Variants in PEBP4 observed in about 807,000 individuals in gnomAD.
PEBP4 encodes the protein phosphatidylethanolamine binding protein 4.
PEBP4 carries 22 observed loss-of-function variants against 23.9 expected under a neutral mutation model. That is an observed-to-expected ratio of 0.92 (90% CI 0.66 to 1.31). The LOEUF is 1.31. Ranked by LOEUF, PEBP4 falls within the 40% of genes most tolerant of loss-of-function variation. PEBP4 has a pLI of 0.00. For synonymous variants in PEBP4, 112 were observed against 99.3 expected (o/e 1.13, Z -0.76); for missense variants, 324 against 281.7 (o/e 1.15, Z -1.07).
At chr8:22,898,130 G>A (rs1259372780) in intron 3 of PEBP4, among the ~76,000 whole-genome samples, 1 of 151,580 alleles carries the variant, frequency 6.6e-6, no homozygotes, top group Non-Finnish European at 1.5e-5. Context: ...AGTGGCTCAC[G>A]CCTGTAATCC....
chr8:22,786,439 T>C (rs1281431766), intron 4 of PEBP4, among the ~76,000 whole-genome samples: 5 of 152,044 alleles, frequency 3.3e-5, no homozygotes, highest in Admixed American at 2.6e-4. Context: ...CACGCCACCA[T>C]GTCCGGCAAT....
chr8:22,730,561 C>T (rs758326259), intron 4 of PEBP4, among the ~76,000 whole-genome samples: 7 of 152,162 alleles, frequency 4.6e-5, no homozygotes, highest in Non-Finnish European at 8.8e-5. Context: ...ATTAGAATGT[C>T]ACTTCTAGCC....
At chr8:22,783,226 C>G (rs1261882716) in intron 4 of PEBP4, among the ~76,000 whole-genome samples, 1 of 152,228 alleles carries the variant, frequency 6.6e-6, no homozygotes, top group Non-Finnish European at 1.5e-5. Flanking sequence ...TTTCTCAGTC[C>G]TTTCTTGAGA....
chr8:22,843,050 A>G (rs1360792087), intron 3 of PEBP4, among the ~76,000 whole-genome samples: 1 of 152,016 alleles, frequency 6.6e-6, no homozygotes. Context: ...CTGGTCTCGA[A>G]CTCCTGACCT....
At chr8:22,896,935 A>G (rs1808600386) in intron 3 of PEBP4, among the ~76,000 whole-genome samples, 1 of 150,402 alleles carries the variant, frequency 6.6e-6, no homozygotes, top group Non-Finnish European at 1.5e-5. Flanking sequence ...ACATATTTAG[A>G]TATTATATAT....
intron 4 of PEBP4, among the ~76,000 whole-genome samples, chr8:22,804,743 G>T (rs994083342): frequency 1.3e-5 from 2 of 152,064 alleles, no homozygotes; most frequent in Admixed American, 6.6e-5. Context: ...GACTTAGCTG[G>T]TCTGGGTGCA....
intron 6 of PEBP4, among the ~76,000 whole-genome samples, chr8:22,723,227 G>C (rs1804554967): frequency 6.6e-6 from 1 of 152,064 alleles, no homozygotes; most frequent in Non-Finnish European, 1.5e-5. Flanking sequence ...TCCTTGCCTG[G>C]TCACCAACAT....
chr8:22,824,465 CT>C (rs566032266), intron 3 of PEBP4, among the ~76,000 whole-genome samples: 101 of 152,284 alleles, frequency 6.6e-4, no homozygotes, highest in African/African-American at 2.3e-3. Context: ...GCACCAGGAA[CT>C]GGTTTCGTGG....
intron 3 of PEBP4, among the ~76,000 whole-genome samples, chr8:22,895,144 G>C (rs746452652): frequency 1.3e-5 from 2 of 152,152 alleles, no homozygotes; most frequent in Non-Finnish European, 2.9e-5. Flanking sequence ...ATTTTCAATT[G>C]GGCCATATTG....
chr8:22,876,158 G>A (rs1808117764), intron 3 of PEBP4, among the ~76,000 whole-genome samples: 1 of 152,152 alleles, frequency 6.6e-6, no homozygotes, highest in Non-Finnish European at 1.5e-5. Context: ...TGATACACCA[G>A]CCTCAGCCTC....
chr8:22,827,497 G>GT lies in PEBP4; in HGVS notation c.259-9763dup, dbSNP rs1026391179. Among the ~76,000 whole-genome samples the GT allele has an allele frequency of 3.2e-4, 48 of 150,740 alleles. 1 individual carries two copies. Among genetic ancestry groups the GT allele is most frequent in the Non-Finnish European group, 4.3e-4 (29 of 67,612 alleles). On this transcript the variant is annotated intron_variant, in intron 3 of 6. Coordinates refer to ENST00000256404, the MANE Select transcript of PEBP4 (RefSeq NM_144962.3). Reference sequence around the variant, plus strand: ...TAATATAAATGGAGTCATAATACTTGTTTTTTTTTGTGTTGGCATCTTTTA... The same window carrying GT: ...TAATATAAATGGAGTCATAATACTTGTTTTTTTTTTGTGTTGGCATCTTTTA...
At position 22,775,753 on chromosome 8, in the gene PEBP4, G is replaced by A. The variant is rs1805803207; in HGVS notation, c.357+41884C>T. Among the ~76,000 whole-genome samples the A allele has an allele frequency of 6.6e-6, 1 of 152,110 alleles. No individual in the cohort carries two copies. Among genetic ancestry groups the A allele is most frequent in the Non-Finnish European group, 1.5e-5 (1 of 68,004 alleles). Reference sequence around the variant, plus strand: ...CCTCCTGTGCACTCACAGGAGGCTCGAGGAGACAGACAGAGGAAGCGAGAG... The same window carrying A: ...CCTCCTGTGCACTCACAGGAGGCTCAAGGAGACAGACAGAGGAAGCGAGAG... On this transcript the variant is annotated intron_variant, in intron 4 of 6. Coordinates refer to ENST00000256404, the MANE Select transcript of PEBP4 (RefSeq NM_144962.3). The surrounding 1 kb of genome is among the most constrained non-coding windows in gnomAD (Gnocchi z 4.8).
intron 4 of PEBP4, among the ~76,000 whole-genome samples, chr8:22,807,655 G>T (rs1041281169): frequency 4.6e-5 from 7 of 151,998 alleles, no homozygotes; most frequent in Non-Finnish European, 8.8e-5. Flanking sequence ...TAATTACGCT[G>T]TTCCTTTCCT....
chr8:22,871,840 C>T (rs934915809), intron 3 of PEBP4, among the ~76,000 whole-genome samples: 1 of 152,096 alleles, frequency 6.6e-6, no homozygotes, highest in African/African-American at 2.4e-5. Context: ...GTGTGAGCCA[C>T]CGCGCCTGCC....
chr8:22,872,835 C>A (rs1201032012), intron 3 of PEBP4, among the ~76,000 whole-genome samples: 1 of 152,108 alleles, frequency 6.6e-6, no homozygotes, highest in East Asian at 1.9e-4. Context: ...CGCCACCACG[C>A]CTAGCTAATT....
chr8:22,879,313 G>A (rs1393145708), intron 3 of PEBP4: 1 of 152,202 alleles, frequency 6.6e-6, no homozygotes, highest in East Asian at 1.9e-4. Context: ...CCAGAGGTGG[G>A]AACTATATCT....
At chr8:22,881,045 G>T (rs2128772317) in intron 3 of PEBP4, among the ~76,000 whole-genome samples, 1 of 152,362 alleles carries the variant, frequency 6.6e-6, no homozygotes, top group African/African-American at 2.4e-5. Flanking sequence ...TTTAGTTTGG[G>T]TTGAGCCATC....
intron 3 of PEBP4, among the ~76,000 whole-genome samples, chr8:22,898,045 G>A: frequency 6.6e-6 from 1 of 152,108 alleles, no homozygotes; most frequent in South Asian, 2.1e-4. Context: ...CTGGCACCTT[G>A]ATCTCATAAT....
chr8:22,926,177 C>T (rs904286792), intron 2 of PEBP4, among the ~76,000 whole-genome samples: 3 of 151,710 alleles, frequency 2.0e-5, no homozygotes, highest in Admixed American at 6.6e-5. Context: ...AGGGTTTCAC[C>T]GTGTTGGTCA....
Sources: allele counts gnomAD v4.1 joint callset (sites outside exome capture counted in the v4.1 genomes callset), GRCh38; gene constraint gnomAD v4.1.1; non-coding constraint Gnocchi (gnomAD v3.1); transcripts MANE v1.5; gene names NCBI Gene and HGNC (gene_info 2026-07-23, HGNC 2026-07-21).